The following CCDC60 variants were observed in gnomAD, a reference collection of about 807,000 sequenced individuals.
CCDC60 encodes coiled-coil domain containing 60.
A neutral mutation model predicts 63.5 loss-of-function variants in CCDC60; 54 were observed. The ratio of observed to expected loss-of-function variants is 0.85; its 90% CI spans 0.68 to 1.07. CCDC60 has a LOEUF of 1.07. CCDC60 is among the 50% of genes least tolerant of loss of function. CCDC60 has a pLI of 0.00. For synonymous variants in CCDC60, 206 were observed against 238.8 expected, an observed-to-expected ratio of 0.86 and a Z score of 1.27; for missense variants, 651 against 684.3, an observed-to-expected ratio of 0.95 and a Z score of 0.54.
chr12:119,347,767 G>A (rs1955612430), intron 1 of CCDC60, among the ~76,000 whole-genome samples: 3 of 152,122 alleles, frequency 2.0e-5, no homozygotes, highest in African/African-American at 7.2e-5. Context: ...CTGTGCCTCA[G>A]TTTTCCTCTC....
chr12:119,539,327 T>G (rs1011733340), intron 13 of CCDC60, among the ~76,000 whole-genome samples: 1 of 152,208 alleles, frequency 6.6e-6, no homozygotes, highest in African/African-American at 2.4e-5. Context: ...CCCAGGGAGA[T>G]GGGAGTTTTA....
intron 5 of CCDC60, among the ~76,000 whole-genome samples, chr12:119,493,534 GA>G (rs3214102): frequency 0.021 from 3,016 of 144,692 alleles, 84 homozygotes; most frequent in African/African-American, 0.067. Context: ...GCTTTATTGA[GA>G]AAAAAAAAAA....
chr12:119,523,848 A>AAC, intron 11 of CCDC60, 30 bp downstream of exon 11: 1 of 1,610,506 alleles, frequency 6.2e-7, no homozygotes, highest in Non-Finnish European at 8.5e-7. Context: ...CATTCATTCA[A>AAC]ACAGCATTCA....
At chr12:119,428,303 T>C (rs1156693935) in intron 1 of CCDC60, among the ~76,000 whole-genome samples, 1 of 152,216 alleles carries the variant, frequency 6.6e-6, no homozygotes, top group Non-Finnish European at 1.5e-5. Context: ...GTAGCTTCCA[T>C]TTATCTAATG....
intron 6 of CCDC60, among the ~76,000 whole-genome samples, chr12:119,503,356 C>T (rs1001007250): frequency 6.6e-6 from 1 of 152,168 alleles, no homozygotes; most frequent in African/African-American, 2.4e-5. Flanking sequence ...GTTTTGCAAG[C>T]TCTTGACCAG....
At position 119,399,851 on chromosome 12, in the gene CCDC60, A is replaced by G. The variant is rs906718529; in HGVS notation, c.91-28832A>G. On this transcript the variant is annotated intron_variant, in intron 1 of 13. Coordinates refer to ENST00000327554, the MANE Select transcript of CCDC60 (RefSeq NM_178499.5). ...ACGGGGTATGATCTGAGGATGGAGC[A>G]GCATAGTCCACACTAAAACATACCC... 1.6e-4 allele frequency among the ~76,000 whole-genome samples: 25 copies of G among 152,298 alleles called. 1 individual carries two copies. The highest frequency in any genetic ancestry group is 1.0e-3 in the Admixed American group (16 of 15,298).
At chr12:119,523,618 G>A (rs1952592498) in intron 10 of CCDC60, 75 bp from the exon 11 acceptor site, 2 of 1,592,578 alleles carry the variant, frequency 1.3e-6, no homozygotes, top group East Asian at 2.2e-5. Flanking sequence ...GCTAAGGGGG[G>A]CCAGAGTGGG....
chr12:119,378,304 T>C lies in CCDC60; in HGVS notation c.90+43038T>C, dbSNP rs192577009. On this transcript the variant is annotated intron_variant, in intron 1 of 13. Transcript: ENST00000327554. Reference sequence around the variant, plus strand: ...AGCCTTTTCCTATTGACACAGCTGCTGGCATTCACCCGTGCAAGCTTCTAG... The same window carrying C: ...AGCCTTTTCCTATTGACACAGCTGCCGGCATTCACCCGTGCAAGCTTCTAG... 3.3e-5 allele frequency among the ~76,000 whole-genome samples: 5 copies of C among 152,350 alleles called. No homozygotes were observed. In the East Asian group the frequency reaches 7.7e-4, roughly 24 times the overall value.
At chr12:119,422,311 A>G (rs1424310374) in intron 1 of CCDC60, among the ~76,000 whole-genome samples, 1 of 152,200 alleles carries the variant, frequency 6.6e-6, no homozygotes, top group Non-Finnish European at 1.5e-5. Context: ...ACAGAGCACC[A>G]AACAAAGGAT....
chr12:119,427,909 T>A (rs757515381), intron 1 of CCDC60, among the ~76,000 whole-genome samples: 3 of 152,096 alleles, frequency 2.0e-5, no homozygotes, highest in Non-Finnish European at 4.4e-5. Context: ...AGCAAGAGGA[T>A]CACTTGGGCC....
intron 1 of CCDC60, among the ~76,000 whole-genome samples, chr12:119,340,109 AAACTT>A (rs755431753): frequency 1.4e-4 from 22 of 152,200 alleles, no homozygotes; most frequent in Non-Finnish European, 2.8e-4. Flanking sequence ...CTAAAAAAGA[AAACTT>A]AACAAATTAA....
At chr12:119,452,648 C>T (rs757870199) in intron 2 of CCDC60, among the ~76,000 whole-genome samples, 9 of 152,108 alleles carry the variant, frequency 5.9e-5, no homozygotes, top group Non-Finnish European at 1.0e-4. Flanking sequence ...GGTAATGAGT[C>T]ATATTCTAGT....
In CCDC60 at chr12:119,530,978, G is replaced by A. The variant is rs148262586; in HGVS notation, c.1466G>A (p.Arg489Gln). The change falls in exon 13 of 14, where the codon CGG becomes CAG. Residue 489 changes from arginine to glutamine, a missense_variant. By Grantham distance (43) the Arg-to-Gln change is conservative (BLOSUM62 1). Coordinates refer to ENST00000327554, the MANE Select transcript of CCDC60 (RefSeq NM_178499.5). ...LQKFGENLDL[R>Q]IRPHVLLKVL... ...AAGTTTGGAGAAAACCTGGACTTGC[G>A]GATTCGACCCCATGTCCTCCTGAAG... 78 of 1,614,146 alleles carry A rather than the reference G, an allele frequency of 4.8e-5. No homozygotes were observed. In the East Asian group the frequency reaches 9.4e-4, roughly 19 times the overall value.
intron 2 of CCDC60, among the ~76,000 whole-genome samples, chr12:119,442,684 C>G (rs1306647432): frequency 2.6e-5 from 4 of 152,176 alleles, no homozygotes; most frequent in Non-Finnish European, 5.9e-5. Context: ...AATATCCACA[C>G]AAACATAATA....
At chr12:119,523,887 G>A (rs1952604273) in intron 11 of CCDC60, 69 bp downstream of exon 11, 3 of 1,518,374 alleles carry the variant, frequency 2.0e-6, no homozygotes, top group Non-Finnish European at 1.8e-6. Context: ...CCTGCCAGGT[G>A]CCAGGTGCTG....
chr12:119,392,127 G>A (rs1043192818), intron 1 of CCDC60, among the ~76,000 whole-genome samples: 1 of 152,166 alleles, frequency 6.6e-6, no homozygotes, highest in African/African-American at 2.4e-5. Flanking sequence ...GGGGTGTCCT[G>A]TGGAGTTCAG....
rs1188162424 is a variant in CCDC60 at position 119,344,764 on chromosome 12, C to A, written c.90+9498C>A. ...TCTTCACTTGGTCACCACTAAGGAG[C>A]CACACTAGTTTTGGAATTTCTGCCT... On this transcript the variant is annotated intron_variant, in intron 1 of 13. Coordinates refer to ENST00000327554, the MANE Select transcript of CCDC60 (RefSeq NM_178499.5). Among the ~76,000 whole-genome samples the A allele has an allele frequency of 2.0e-5, 3 of 150,884 alleles. No individual in the cohort carries two copies. In the East Asian group the frequency reaches 6.0e-4, roughly 30 times the overall value.
rs57196100 is a variant in CCDC60 at position 119,434,278 on chromosome 12, C to CTTTT, written c.170+5522_170+5525dup. 3.2e-3 allele frequency among the ~76,000 whole-genome samples: 486 copies of CTTTT among 150,840 alleles called. 3 individuals carry two copies. Among genetic ancestry groups the CTTTT allele is most frequent in the Middle Eastern group, 6.8e-3 (2 of 294 alleles). On this transcript the variant is annotated intron_variant, in intron 2 of 13. Coordinates refer to ENST00000327554, the MANE Select transcript of CCDC60 (RefSeq NM_178499.5). ...ATTTGGGGCAGAGAAAGAAGCTATTCTTTTTTTTTGGCAGGGGGGTTAGGC... is the reference window on the plus strand; with the variant it reads ...ATTTGGGGCAGAGAAAGAAGCTATTCTTTTTTTTTTTTTGGCAGGGGGGTTAGGC...
chr12:119,434,437 C>T (rs746967948), intron 2 of CCDC60, among the ~76,000 whole-genome samples: 1 of 152,128 alleles, frequency 6.6e-6, no homozygotes, highest in African/African-American at 2.4e-5. Flanking sequence ...ACAGACAAGA[C>T]TCCTGTCTTT....
Sources: gnomAD v4.1 joint callset for allele counts (sites outside exome capture counted in the v4.1 genomes callset) on GRCh38, gnomAD v4.1.1 for gene constraint, MANE v1.5 for transcripts, NCBI Gene and HGNC (gene_info 2026-07-23, HGNC 2026-07-21) for gene names.